Variants in CLASP1 observed in about 807,000 individuals in gnomAD.
CLASP1 encodes CLIP-associating protein 1.
Under a neutral mutation model 192.3 loss-of-function variants are expected in CLASP1, and 38 were observed. The ratio of observed to expected loss-of-function variants is 0.20; its 90% CI spans 0.15 to 0.26. The LOEUF (loss-of-function observed/expected upper bound fraction) is 0.26, where lower values mean the gene tolerates loss of function less well. Among genes scored for constraint, CLASP1 ranks in the 10% least tolerant of loss-of-function variants. The pLI is 1.00. For missense variants in CLASP1, 1,433 were observed against 1,932.5 expected (o/e 0.74, Z 4.85); for synonymous variants, 691 against 712.8 (o/e 0.97, Z 0.49).
At chr2:121,459,086 G>C in intron 12 of CLASP1, 111 bp from the exon 13 acceptor site, 1 of 742,628 alleles carries the variant, frequency 1.3e-6, no homozygotes, top group Non-Finnish European at 2.0e-6. Flanking sequence ...AAAGGACAAG[G>C]GTCTGAGATT....
At chr2:121,398,186 T>C (rs1462480115) in intron 29 of CLASP1, 136 bp downstream of exon 30, 7 of 670,364 alleles carry the variant, frequency 1.0e-5, no homozygotes, top group Admixed American at 2.8e-5. Flanking sequence ...AACAGGAACA[T>C]GTCCACAAAG....
chr2:121,633,386 T>C (rs2070176756), intron 1 of CLASP1, among the ~76,000 whole-genome samples: 1 of 152,110 alleles, frequency 6.6e-6, no homozygotes, highest in Admixed American at 6.6e-5. Flanking sequence ...ACCATCACTA[T>C]TCAGAAGCAA....
intron 8 of CLASP1, among the ~76,000 whole-genome samples, chr2:121,487,438 C>T (rs1027537145): frequency 1.3e-5 from 2 of 152,140 alleles, no homozygotes; most frequent in Admixed American, 1.3e-4. Flanking sequence ...TTGTCCCCAG[C>T]GTATTCAGCA....
intron 6 of CLASP1, among the ~76,000 whole-genome samples, chr2:121,517,725 G>A (rs908754474): frequency 1.3e-5 from 2 of 151,908 alleles, no homozygotes; most frequent in Non-Finnish European, 1.5e-5. Flanking sequence ...TGGGCCAGTT[G>A]GTACTCAGCT....
chr2:121,558,337 A>G (rs2058761823), intron 2 of CLASP1, among the ~76,000 whole-genome samples: 1 of 152,214 alleles, frequency 6.6e-6, no homozygotes, highest in South Asian at 2.1e-4. Flanking sequence ...ACAGAAAAAA[A>G]GAAATCCTCC....
At chr2:121,537,484 C>T (rs779066014) in intron 2 of CLASP1, among the ~76,000 whole-genome samples, 32 of 151,722 alleles carry the variant, frequency 2.1e-4, no homozygotes, top group Non-Finnish European at 4.7e-4. Flanking sequence ...AAACATCAAG[C>T]CACAGATTCA....
chr2:121,427,850 A>G (rs6714671), intron 20 of CLASP1, among the ~76,000 whole-genome samples: 30,608 of 152,116 alleles, frequency 0.2, 5,749 homozygotes, highest in African/African-American at 0.49. Context: ...TAAACCTCAA[A>G]TATTTAAAAT....
At chr2:121,501,651 G>A (rs910007697) in intron 8 of CLASP1, among the ~76,000 whole-genome samples, 1 of 152,138 alleles carries the variant, frequency 6.6e-6, no homozygotes, top group South Asian at 2.1e-4. Flanking sequence ...ATCACTTTAG[G>A]TATTTTATAT....
Position 121,387,114 on chromosome 2 carries a change from G to A in CLASP1, c.3374+8C>T. On this transcript the variant is annotated splice_region_variant and intron_variant, in intron 32 of 39. Coordinates refer to ENST00000263710, the Ensembl canonical transcript of CLASP1. Reference sequence around the variant, plus strand: ...TTACATCTGTGGAAAGTAAAGAAGTGACCTTACCTTGGAGACAGACCCCCA... The same window carrying A: ...TTACATCTGTGGAAAGTAAAGAAGTAACCTTACCTTGGAGACAGACCCCCA... The A allele has an allele frequency of 6.2e-7, 1 of 1,608,256 alleles. No individual in the cohort carries two copies. Among genetic ancestry groups the A allele is most frequent in the Non-Finnish European group, 8.5e-7 (1 of 1,175,116 alleles).
At chr2:121,353,730 G>A (rs149935904) in intron 37 of CLASP1, among the ~76,000 whole-genome samples, 11 of 152,282 alleles carry the variant, frequency 7.2e-5, no homozygotes, top group Non-Finnish European at 1.3e-4. Flanking sequence ...TCCAGTATAC[G>A]CCAGGTGCTC....
chr2:121,430,187 A>G lies in CLASP1; in HGVS notation c.1913-10T>C. ...CTTGTGCGGATCCGACCTGGAGGAC[A>G]CAGCAAAAACAGTGTTTCACAACAT... is the stretch of plus-strand genomic sequence containing the variant. On this transcript the variant is annotated splice_polypyrimidine_tract_variant and intron_variant, in intron 19 of 39. Coordinates refer to ENST00000263710, the Ensembl canonical transcript of CLASP1. 6.5e-7 allele frequency: 1 copy of G among 1,547,332 alleles called. No individual in the cohort carries two copies. The highest frequency in any genetic ancestry group is 8.8e-7 in the Non-Finnish European group (1 of 1,142,052).
intron 2 of CLASP1, among the ~76,000 whole-genome samples, chr2:121,572,292 G>T (rs2060050787): frequency 6.6e-6 from 1 of 152,156 alleles, no homozygotes; most frequent in South Asian, 2.1e-4. Flanking sequence ...GCAGGGCATG[G>T]TGGCGGGCAC....
At chr2:121,406,402 A>C (rs542641026) in intron 25 of CLASP1, among the ~76,000 whole-genome samples, 12 of 152,158 alleles carry the variant, frequency 7.9e-5, no homozygotes, top group Non-Finnish European at 1.8e-4. Flanking sequence ...TGCATATCAA[A>C]ATTTTCCAAA....
chr2:121,405,297 G>A (rs920856031), intron 25 of CLASP1, among the ~76,000 whole-genome samples: 7 of 152,122 alleles, frequency 4.6e-5, no homozygotes, highest in African/African-American at 1.7e-4. Context: ...CAACAAGAGC[G>A]AAACTCAGTC....
chr2:121,553,773 CATT>C (rs1324443950), intron 2 of CLASP1, among the ~76,000 whole-genome samples: 1 of 152,194 alleles, frequency 6.6e-6, no homozygotes, highest in South Asian at 2.1e-4. Flanking sequence ...AATTATTCAT[CATT>C]AATTATGAAT....
chr2:121,483,410 G>C (rs1280052336), intron 8 of CLASP1, among the ~76,000 whole-genome samples: 1 of 151,976 alleles, frequency 6.6e-6, no homozygotes, highest in Non-Finnish European at 1.5e-5. Flanking sequence ...GTTTTTCCTA[G>C]CAAATATCTG....
chr2:121,527,075 T>G (rs1283702876), intron 5 of CLASP1, among the ~76,000 whole-genome samples: 1 of 152,202 alleles, frequency 6.6e-6, no homozygotes, highest in African/African-American at 2.4e-5. Context: ...GGGGAAAAAC[T>G]TGGCAGTACC....
At chr2:121,525,804 G>A in intron 6 of CLASP1, 41 bp downstream of exon 6, 4 of 1,433,554 alleles carry the variant, frequency 2.8e-6, no homozygotes, top group Non-Finnish European at 3.9e-6. Flanking sequence ...TCAACAGTCT[G>A]TAAGCAATGA....
chr2:121,594,128 G>A (rs541691800), intron 2 of CLASP1, among the ~76,000 whole-genome samples: 3 of 150,982 alleles, frequency 2.0e-5, no homozygotes, highest in East Asian at 4.0e-4. Flanking sequence ...GTGAAACCCC[G>A]TCTCTACTAA....
Sources: allele counts gnomAD v4.1 joint callset (sites outside exome capture counted in the v4.1 genomes callset), GRCh38; gene constraint gnomAD v4.1.1; transcripts MANE v1.5; gene names NCBI Gene and HGNC (gene_info 2026-07-23, HGNC 2026-07-21).